Variants in TCF25 observed in about 807,000 individuals in gnomAD.
TCF25 encodes ribosome quality control complex subunit TCF25.
In TCF25, 41 loss-of-function variants were observed where a neutral mutation model predicts 83.1. That is an observed-to-expected ratio of 0.49 (90% CI 0.38 to 0.64). TCF25 has a LOEUF of 0.64. TCF25 is among the 30% of genes least tolerant of loss of function. The pLI, the probability that TCF25 is intolerant of heterozygous loss-of-function variation, is 0.00. For missense variants in TCF25, 979 were observed against 914.5 expected (o/e 1.07, Z -0.91); for synonymous variants, 458 against 365.0 (o/e 1.25, Z -2.90).
chr16:89,883,258 A>G (rs2042741794), intron 1 of TCF25, 93 bp from the exon 2 acceptor site: 17 of 1,531,832 alleles, frequency 1.1e-5, no homozygotes, highest in African/African-American at 2.7e-5. Flanking sequence ...GGGGTCCCCA[A>G]CGCAAGCCCG....
chr16:89,887,788 T>G (rs978869118), intron 5 of TCF25, 71 bp downstream of exon 5: 5 of 1,409,030 alleles, frequency 3.5e-6, no homozygotes, highest in Non-Finnish European at 3.8e-6. Flanking sequence ...GGGGGTGGTG[T>G]TCCTGAAGCT....
chr16:89,910,757 T>C, intron 17 of TCF25, 94 bp downstream of exon 17: 1 of 1,390,142 alleles, frequency 7.2e-7, no homozygotes, highest in Non-Finnish European at 1.0e-6. Context: ...ACCAGGACTG[T>C]GCCAGCCGGC....
At chr16:89,893,661 G>A (rs2043599605) in intron 6 of TCF25, 67 bp from the exon 7 acceptor site, 8 of 1,609,816 alleles carry the variant, frequency 5.0e-6, no homozygotes, top group Non-Finnish European at 6.8e-6. Flanking sequence ...CGAAGGTGAG[G>A]GCTGTGCTCG....
rs768287411 is a variant in TCF25 at position 89,884,568 on chromosome 16, GT to G, written c.355-11del. 5.0e-6 allele frequency: 8 copies of G among 1,611,804 alleles called. No homozygotes were observed. Among genetic ancestry groups the G allele is most frequent in the Non-Finnish European group, 6.8e-6 (8 of 1,178,476 alleles). ...CTTCTCATTCTACTGATGAAAATGT[GT>G]TTCTATCATTAGTCTCATGCAAGTG... On this transcript the variant is annotated splice_polypyrimidine_tract_variant and intron_variant, in intron 2 of 17. Transcript: ENST00000263346.
At position 89,907,095 on chromosome 16, in the gene TCF25, A is replaced by G. The variant is rs2044854588; in HGVS notation, c.1720-148A>G. ...CCTCACCCAAAGCTCGTTGGTACAA[A>G]AAGCACAGCCGTTTCTGTCAGACTC... On this transcript the variant is annotated intron_variant, in intron 15 of 17. Coordinates refer to ENST00000263346, the MANE Select transcript of TCF25 (RefSeq NM_014972.3). The G allele has an allele frequency of 4.9e-6, 4 of 824,030 alleles. No individual in the cohort carries two copies. The East Asian group carries it at 7.3e-5, about 15-fold the overall frequency. 51.0% of individuals were successfully genotyped at this position (824,030 alleles called of 1,614,324 possible). A position where few individuals can be genotyped will look rare whatever the true frequency, so the allele number is the denominator to read the frequency against.
At chr16:89,891,963 C>T (rs1238414105) in intron 5 of TCF25, among the ~76,000 whole-genome samples, 1 of 152,130 alleles carries the variant, frequency 6.6e-6, no homozygotes, top group Non-Finnish European at 1.5e-5. Flanking sequence ...AGCCCCCGTG[C>T]CCAGCCAGAA....
Position 89,905,107 on chromosome 16 carries a change from G to T in TCF25, c.1628+11G>T. The T allele has an allele frequency of 1.3e-6, 2 of 1,579,686 alleles. No individual in the cohort carries two copies. The highest frequency in any genetic ancestry group is 1.7e-6 in the Non-Finnish European group (2 of 1,162,912). ...AGCCTGTGAGAACCGGTGAGCTAGGGGTTGACACAAGCCCTGCCACGCCCC... is the reference window on the plus strand; with the variant it reads ...AGCCTGTGAGAACCGGTGAGCTAGGTGTTGACACAAGCCCTGCCACGCCCC... On this transcript the variant is annotated intron_variant, in intron 14 of 17. Transcript: ENST00000263346.
At chr16:89,906,695 G>A (rs2044815249) in intron 15 of TCF25, among the ~76,000 whole-genome samples, 1 of 152,166 alleles carries the variant, frequency 6.6e-6, no homozygotes, top group Non-Finnish European at 1.5e-5. Flanking sequence ...TAGAACGAGT[G>A]AGAAAACCAG....
chr16:89,894,747 C>T (rs1040037469), intron 7 of TCF25, among the ~76,000 whole-genome samples: 25 of 152,152 alleles, frequency 1.6e-4, no homozygotes, highest in Non-Finnish European at 3.5e-4. Flanking sequence ...CGGGTTCAAG[C>T]GATTCGCCTG....
intron 1 of TCF25, among the ~76,000 whole-genome samples, chr16:89,880,093 A>T (rs868840312): frequency 2.0e-5 from 3 of 151,474 alleles, no homozygotes; most frequent in African/African-American, 7.3e-5. Flanking sequence ...ATGTACACAG[A>T]CAGGCTCCCG....
chr16:89,881,466 GC>G (rs961001007), intron 1 of TCF25, among the ~76,000 whole-genome samples: 2 of 152,006 alleles, frequency 1.3e-5, no homozygotes, highest in Non-Finnish European at 2.9e-5. Flanking sequence ...AAAATTTAGA[GC>G]TAGAGTCTTG....
At chr16:89,906,057 A>C in intron 14 of TCF25, 137 bp from the exon 15 acceptor site, 1 of 751,236 alleles carries the variant, frequency 1.3e-6, no homozygotes, top group Non-Finnish European at 2.2e-6. Flanking sequence ...TCGAGAGTAA[A>C]GTGTACAGTT....
rs766009650 is a variant in TCF25 at position 89,873,882 on chromosome 16, TG to T, written c.192+28del. 25 of 535,212 alleles carry T rather than the reference TG, an allele frequency of 4.7e-5. No homozygotes were observed. In the African/African-American group the frequency reaches 8.8e-4, roughly 19 times the overall value. 33.2% of individuals were successfully genotyped at this position (535,212 alleles called of 1,614,324 possible). A position where few individuals can be genotyped will look rare whatever the true frequency, so the allele number is the denominator to read the frequency against. On this transcript the variant is annotated intron_variant, in intron 1 of 17. Transcript: ENST00000263346. Reference sequence around the variant, plus strand: ...CTGGTGAGGAGCGCGGCGGCCCGGGTGGGGGTGGGGTGGCCCTTGACGTTGT... The same window carrying T: ...CTGGTGAGGAGCGCGGCGGCCCGGGTGGGGTGGGGTGGCCCTTGACGTTGT...
At position 89,874,148 on chromosome 16, in the gene TCF25, C is replaced by T. The variant is rs2041973258; in HGVS notation, c.192+289C>T. ...GGGCCGTGCTGTCGGGGCGGGGCGA[C>T]CGAATGGGCGGGGTTAAGCGGGGTC... On this transcript the variant is annotated intron_variant, in intron 1 of 17. Transcript: ENST00000263346. Among the ~76,000 whole-genome samples the T allele has an allele frequency of 2.0e-5, 3 of 151,302 alleles. No homozygotes were observed. The South Asian group carries it at 6.3e-4, about 32-fold the overall frequency.
At chr16:89,887,444 G>A (rs1460263154) in intron 4 of TCF25, among the ~76,000 whole-genome samples, 1 of 152,206 alleles carries the variant, frequency 6.6e-6, no homozygotes, top group African/African-American at 2.4e-5. Flanking sequence ...GCGCCCTCAC[G>A]GCACAGTGAC....
At chr16:89,883,782 C>G in intron 2 of TCF25, 1 of 377,884 alleles carries the variant, frequency 2.6e-6, no homozygotes, top group East Asian at 4.4e-5. Context: ...CCTAGCCAAC[C>G]GCGCACGTGT....
intron 1 of TCF25, chr16:89,878,598 C>A: frequency 8.7e-7 from 1 of 1,147,550 alleles, no homozygotes; most frequent in Non-Finnish European, 1.1e-6. Flanking sequence ...CATTTGAGAC[C>A]CTAAAACTAA....
Position 89,875,056 on chromosome 16 carries a change from T to C in TCF25, c.192+1197T>C, listed in dbSNP as rs367665118. On this transcript the variant is annotated intron_variant, in intron 1 of 17. Coordinates refer to ENST00000263346, the MANE Select transcript of TCF25 (RefSeq NM_014972.3). ...GCTCTGTTGCCCAGGCTGGAGTGCA[T>C]TGGCACAATCCTAGCTCACTGCAAC... Among the ~76,000 whole-genome samples the C allele has an allele frequency of 4.0e-5, 6 of 151,856 alleles. No individual in the cohort carries two copies. In the East Asian group the frequency reaches 9.7e-4, roughly 24 times the overall value.
chr16:89,900,977 C>T (rs1047362453), intron 12 of TCF25, 183 bp downstream of exon 12: 59 of 648,340 alleles, frequency 9.1e-5, no homozygotes, highest in East Asian at 2.3e-4. Context: ...TCTCGGAACC[C>T]GCTGCGTGCC....
Sources: gnomAD v4.1 joint callset for allele counts (sites outside exome capture counted in the v4.1 genomes callset) on GRCh38, gnomAD v4.1.1 for gene constraint, MANE v1.5 for transcripts, NCBI Gene and HGNC (gene_info 2026-07-23, HGNC 2026-07-21) for gene names.